SKA3: variants seen among roughly 807,000 people sequenced by gnomAD.
SKA3 encodes spindle and kinetochore-associated protein 3.
SKA3 carries 39 observed loss-of-function variants against 44.2 expected under a neutral mutation model. The ratio of observed to expected loss-of-function variants is 0.88; its 90% CI spans 0.68 to 1.15. The LOEUF (loss-of-function observed/expected upper bound fraction) is 1.15, where lower values mean the gene tolerates loss of function less well. SKA3 is among the 50% of genes most tolerant of loss of function. The pLI, the probability that SKA3 is intolerant of heterozygous loss-of-function variation, is 0.00. For synonymous variants in SKA3, 192 were observed against 172.0 expected (o/e 1.12, Z -0.91); for missense variants, 511 against 485.8 (o/e 1.05, Z -0.49).
chr13:21,169,009 CATA>C (rs572355644), intron 3 of SKA3, among the ~76,000 whole-genome samples: 8 of 151,428 alleles, frequency 5.3e-5, no homozygotes, highest in Non-Finnish European at 1.0e-4. Flanking sequence ...ACTAGTTTTT[CATA>C]ATATTTTTTC....
Position 21,154,519 on chromosome 13 carries a change from A to G in SKA3, c.*631T>C, listed in dbSNP as rs1299884971. The G allele has an allele frequency of 6.5e-6, 1 of 153,750 alleles. No homozygotes were observed. Among genetic ancestry groups the G allele is most frequent in the Non-Finnish European group, 1.4e-5 (1 of 69,084 alleles). 9.5% of individuals were successfully genotyped at this position (153,750 alleles called of 1,614,324 possible). ...GACATAAGAGAAAAGACCCCCACAC[A>G]GTGAAAAGCTGGAAGAGAAACAAAA... On this transcript the variant is annotated 3_prime_UTR_variant, in exon 9 of 9. Coordinates refer to ENST00000314759, the MANE Select transcript of SKA3 (RefSeq NM_145061.6).
At chr13:21,156,080 A>G (rs1036773188) in intron 7 of SKA3, among the ~76,000 whole-genome samples, 2 of 151,390 alleles carry the variant, frequency 1.3e-5, no homozygotes, top group Non-Finnish European at 2.9e-5. Flanking sequence ...CCAGCTACTC[A>G]GGAGGCTGAG....
intron 3 of SKA3, among the ~76,000 whole-genome samples, chr13:21,171,528 G>C (rs1292373357): frequency 6.7e-6 from 1 of 149,438 alleles, no homozygotes; most frequent in East Asian, 2.0e-4. Flanking sequence ...AGTGAGCCGA[G>C]ATCGCGCCAC....
intron 4 of SKA3, among the ~76,000 whole-genome samples, chr13:21,167,767 GA>G (rs573958599): frequency 2.6e-4 from 20 of 75,880 alleles, no homozygotes; most frequent in East Asian, 1.2e-3. Flanking sequence ...CCTCCGTCTC[GA>G]AAAAAAAAAA....
chr13:21,168,130 G>A lies in SKA3; in HGVS notation c.601C>T (p.Leu201=). 6.2e-7 allele frequency: 1 copy of A among 1,614,120 alleles called. No homozygotes were observed. Among genetic ancestry groups the A allele is most frequent in the South Asian group, 1.1e-5 (1 of 91,086 alleles). The change falls in exon 4 of 9, where the codon CTA becomes TTA. Residue 201 remains leucine (L), a synonymous_variant. Transcript: ENST00000314759. ...TTTAGTGCACATTTTGGAGTTTTTA[G>A]TACTTTTACTAGTGATTGTTTGGTA... ...PPTKQSLVKV[L]KTPKCALKMD...
At chr13:21,164,360 A>G (rs1165531505) in intron 4 of SKA3, among the ~76,000 whole-genome samples, 3 of 152,064 alleles carry the variant, frequency 2.0e-5, no homozygotes, top group East Asian at 3.9e-4. Flanking sequence ...GTTCTTTCCA[A>G]TTCTCCCCAT....
intron 5 of SKA3, among the ~76,000 whole-genome samples, chr13:21,160,496 G>A (rs77001967): frequency 6.1e-4 from 93 of 152,128 alleles, no homozygotes; most frequent in African/African-American, 2.1e-3. Context: ...TAGTATCATC[G>A]AGGCAACCTT....
chr13:21,166,580 A>G (rs1804800874), intron 4 of SKA3, among the ~76,000 whole-genome samples: 1 of 152,194 alleles, frequency 6.6e-6, no homozygotes, highest in Non-Finnish European at 1.5e-5. Flanking sequence ...CTAAAAATAC[A>G]AAAATTAGCC....
Position 21,172,398 on chromosome 13 carries a change from A to G in SKA3, c.272T>C (p.Met91Thr). 2 of 1,588,734 alleles carry G rather than the reference A, an allele frequency of 1.3e-6. No homozygotes were observed. The highest frequency in any genetic ancestry group is 1.7e-6 in the Non-Finnish European group (2 of 1,171,898). Reference sequence around the variant, plus strand: ...CTTCTGGAAATACTCTCTTATTTTCATAATATCCATTGAATTTTTTTCCAT... The same window carrying G: ...CTTCTGGAAATACTCTCTTATTTTCGTAATATCCATTGAATTTTTTTCCAT... The part of the protein sequence containing the change: ...VLMEKNSMDI[M>T]KIREYFQKYG... Residue 91 changes from methionine (M) to threonine (T), a missense_variant, in exon 3 of 9, where the codon ATG becomes ACG. Met to Thr is a moderately conservative substitution (Grantham distance 81, BLOSUM62 -1). Coordinates refer to ENST00000314759, the MANE Select transcript of SKA3 (RefSeq NM_145061.6).
At chr13:21,157,066 CA>C (rs1316821543) in intron 7 of SKA3, among the ~76,000 whole-genome samples, 1 of 6,056 alleles carries the variant, frequency 1.7e-4, no homozygotes. Flanking sequence ...GACTCCGTCT[CA>C]AAAAAAAAAC....
intron 1 of SKA3, among the ~76,000 whole-genome samples, chr13:21,174,411 A>C (rs34354326): frequency 1.4e-5 from 1 of 73,790 alleles, no homozygotes; most frequent in Non-Finnish European, 2.7e-5. Context: ...ATAAAAAAGG[A>C]TAAGTTCATG....
At position 21,155,103 on chromosome 13, in the gene SKA3, T is replaced by A. The variant is rs746660963; in HGVS notation, c.*47A>T. The A allele has an allele frequency of 6.2e-7, 1 of 1,611,584 alleles. No individual in the cohort carries two copies. The highest frequency in any genetic ancestry group is 1.1e-5 in the South Asian group (1 of 90,750). On this transcript the variant is annotated 3_prime_UTR_variant, in exon 9 of 9. Coordinates refer to ENST00000314759, the MANE Select transcript of SKA3 (RefSeq NM_145061.6). ...TGTTAAAATCGGTCCAGCTCGGCTT[T>A]CATCTCATTTTGTTCAGTTTCTGTG...
At position 21,161,491 on chromosome 13, in the gene SKA3, TAAAAGA is replaced by T. The variant is rs1166057965; in HGVS notation, c.829+293_829+298del. ...TAATGTACAACTCTAATCAATAGGT[TAAAAGA>T]AAAAGTACTAAGGCTCTACATCAAA... On this transcript the variant is annotated intron_variant, in intron 5 of 8. Coordinates refer to ENST00000314759, the MANE Select transcript of SKA3 (RefSeq NM_145061.6). Among the ~76,000 whole-genome samples, 8 of 152,140 alleles carry T rather than the reference TAAAAGA, an allele frequency of 5.3e-5. No individual in the cohort carries two copies. In the East Asian group the frequency reaches 5.8e-4, roughly 11 times the overall value.
At position 21,172,664 on chromosome 13, in the gene SKA3, T is replaced by A; in HGVS notation, c.121A>T (p.Met41Leu). Residue 41 changes from methionine to leucine, a missense_variant, in exon 2 of 9, where the codon ATG (methionine) becomes TTG (leucine). Coordinates refer to ENST00000314759, the MANE Select transcript of SKA3 (RefSeq NM_145061.6). ...GAATGAAGGTCATATAAAATTCTCA[T>A]TGGATAATCTTCAAAGTCTTCAATA... ...GEESDFEDYP[M>L]RILYDLHSEV... 1 of 1,578,112 alleles carries A rather than the reference T, an allele frequency of 6.3e-7. No homozygotes were observed. The highest frequency in any genetic ancestry group is 8.6e-7 in the Non-Finnish European group (1 of 1,157,012).
chr13:21,158,754 T>C (rs1870274980), intron 6 of SKA3, among the ~76,000 whole-genome samples: 1 of 152,184 alleles, frequency 6.6e-6, no homozygotes, highest in African/African-American at 2.4e-5. Flanking sequence ...AATCACAGCA[T>C]GAACAAATGT....
At chr13:21,161,364 T>C (rs1447334810) in intron 5 of SKA3, among the ~76,000 whole-genome samples, 1 of 152,188 alleles carries the variant, frequency 6.6e-6, no homozygotes, top group East Asian at 1.9e-4. Flanking sequence ...GGGACAAATA[T>C]GAAAACACTG....
intron 1 of SKA3, among the ~76,000 whole-genome samples, chr13:21,173,432 T>G (rs375617914): frequency 4.7e-4 from 72 of 152,304 alleles, no homozygotes; most frequent in African/African-American, 1.6e-3. Context: ...AGTTTTATAT[T>G]TTTAATAGAG....
rs1353715372 is a variant in SKA3 at position 21,166,430 on chromosome 13, A to G, written c.743+1558T>C. Among the ~76,000 whole-genome samples, 3 of 152,196 alleles carry G rather than the reference A, an allele frequency of 2.0e-5. No individual in the cohort carries two copies. In the East Asian group the frequency reaches 5.8e-4, roughly 29 times the overall value. ...ACTATAACCTACGATATTTTCTGAT[A>G]GCTTAGAAAAATAAAAACATAGGCC... On this transcript the variant is annotated intron_variant, in intron 4 of 8. Coordinates refer to ENST00000314759, the MANE Select transcript of SKA3 (RefSeq NM_145061.6).
rs1547188 is a variant in SKA3 at position 21,154,058 on chromosome 13, G to C, written c.*1092C>G. On this transcript the variant is annotated 3_prime_UTR_variant, in exon 9 of 9. Coordinates refer to ENST00000314759, the MANE Select transcript of SKA3 (RefSeq NM_145061.6). Reference sequence around the variant, plus strand: ...AGCACAATGGACAGGTCCCCCATTTGACTTTCAAGGAACAATCATAAAACA... The same window carrying C: ...AGCACAATGGACAGGTCCCCCATTTCACTTTCAAGGAACAATCATAAAACA... 16,595 of 151,160 alleles carry C rather than the reference G, an allele frequency of 0.11. No individual in the cohort carries two copies. Among genetic ancestry groups the C allele is most frequent in the East Asian group, 0.23 (1,166 of 5,116 alleles). 9.4% of individuals were successfully genotyped at this position (151,160 alleles called of 1,614,324 possible). A position where few individuals can be genotyped will look rare whatever the true frequency, so the allele number is the denominator to read the frequency against.
Sources: gnomAD v4.1 joint callset for allele counts (sites outside exome capture counted in the v4.1 genomes callset) on GRCh38, gnomAD v4.1.1 for gene constraint, MANE v1.5 for transcripts, NCBI Gene and HGNC (gene_info 2026-07-23, HGNC 2026-07-21) for gene names.